TNR: variants seen among roughly 807,000 people sequenced by gnomAD.
TNR encodes tenascin-R.
Under a neutral mutation model 150.4 loss-of-function variants are expected in TNR, and 45 were observed. That is an observed-to-expected ratio of 0.30 (90% CI 0.24 to 0.38). TNR has a LOEUF of 0.38. Ranked by LOEUF, TNR falls within the 10% of genes least tolerant of loss-of-function variation. The probability of loss-of-function intolerance (pLI) is 1.00; values close to 1 mark genes in which losing one functional copy is unlikely to be tolerated. For synonymous variants in TNR, 687 were observed against 678.4 expected (o/e 1.01, Z -0.20); for missense variants, 1,544 against 1,759.1 (o/e 0.88, Z 2.19).
intron 1 of TNR, among the ~76,000 whole-genome samples, chr1:175,742,387 C>G (rs1667954401): frequency 6.6e-6 from 1 of 152,160 alleles, no homozygotes; most frequent in Non-Finnish European, 1.5e-5. Context: ...TTTTCACTGC[C>G]AAATGCCCCA....
At chr1:175,466,055 T>C (rs1268826562) in intron 2 of TNR, among the ~76,000 whole-genome samples, 1 of 152,206 alleles carries the variant, frequency 6.6e-6, no homozygotes, top group Non-Finnish European at 1.5e-5. Flanking sequence ...TTTCCTGTGG[T>C]GCACTAACAA....
At chr1:175,723,427 A>G (rs1667372346) in intron 1 of TNR, among the ~76,000 whole-genome samples, 1 of 152,222 alleles carries the variant, frequency 6.6e-6, no homozygotes, top group Non-Finnish European at 1.5e-5. Context: ...ACTACACTCC[A>G]GGGACTGGGC....
chr1:175,729,148 C>T (rs572325830), intron 1 of TNR, among the ~76,000 whole-genome samples: 16 of 152,156 alleles, frequency 1.1e-4, no homozygotes, highest in African/African-American at 2.2e-4. Flanking sequence ...TGTTCCTTGA[C>T]GAGTTTTTTC....
rs114289223 is a variant in TNR at position 175,582,165 on chromosome 1, T to A, written c.-164-53796A>T. Among the ~76,000 whole-genome samples, 515 of 152,324 alleles carry A rather than the reference T, an allele frequency of 3.4e-3. 4 individuals carry two copies. Among genetic ancestry groups the A allele is most frequent in the Admixed American group, 9.4e-3 (144 of 15,296 alleles). On this transcript the variant is annotated intron_variant, in intron 1 of 22. Transcript: ENST00000367674. ...TAGGTAATGCCTTTTTACCTACAACTCTTTCACCTTTGAAACTAGACCATC... is the reference window on the plus strand; with the variant it reads ...TAGGTAATGCCTTTTTACCTACAACACTTTCACCTTTGAAACTAGACCATC...
intron 1 of TNR, among the ~76,000 whole-genome samples, chr1:175,688,124 A>G (rs1435250249): frequency 1.3e-5 from 2 of 152,228 alleles, no homozygotes; most frequent in East Asian, 1.9e-4. Context: ...CACTTCTGAC[A>G]TTTCAATAAC....
chr1:175,572,666 A>C (rs1422350575), intron 1 of TNR, among the ~76,000 whole-genome samples: 1 of 152,096 alleles, frequency 6.6e-6, no homozygotes, highest in African/African-American at 2.4e-5. Context: ...TACATATACC[A>C]TAATATAATT....
chr1:175,389,914 A>G, intron 7 of TNR, among the ~76,000 whole-genome samples: 1 of 152,236 alleles, frequency 6.6e-6, no homozygotes, highest in East Asian at 1.9e-4. Context: ...TTAGAGCAGA[A>G]CCATGGTTTG....
chr1:175,461,431 A>G (rs974603668), intron 2 of TNR, among the ~76,000 whole-genome samples: 1 of 152,198 alleles, frequency 6.6e-6, no homozygotes, highest in Non-Finnish European at 1.5e-5. Context: ...AAAATTTTAA[A>G]TATTAGATTC....
At chr1:175,377,536 G>T (rs1024639592) in intron 9 of TNR, among the ~76,000 whole-genome samples, 1 of 149,898 alleles carries the variant, frequency 6.7e-6, no homozygotes, top group South Asian at 2.1e-4. Context: ...TATGCCAGCT[G>T]GTCTATCCTT....
At chr1:175,675,158 G>C (rs556462287) in intron 1 of TNR, among the ~76,000 whole-genome samples, 1 of 152,350 alleles carries the variant, frequency 6.6e-6, no homozygotes, top group East Asian at 1.9e-4. Context: ...GGCAGACAAG[G>C]ACCTCTCTTA....
intron 21 of TNR, among the ~76,000 whole-genome samples, chr1:175,325,652 A>T (rs948895273): frequency 2.0e-5 from 3 of 152,232 alleles, no homozygotes; most frequent in Non-Finnish European, 4.4e-5. Flanking sequence ...GATAAAGAAA[A>T]TGTGGCACAT....
intron 1 of TNR, among the ~76,000 whole-genome samples, chr1:175,675,768 A>T (rs1334707465): frequency 6.6e-6 from 1 of 152,056 alleles, no homozygotes; most frequent in East Asian, 1.9e-4. Flanking sequence ...TCTGGGTGGG[A>T]TGGGGCATAG....
At chr1:175,655,288 C>T (rs905590584) in intron 1 of TNR, among the ~76,000 whole-genome samples, 8 of 152,146 alleles carry the variant, frequency 5.3e-5, no homozygotes, top group South Asian at 2.1e-4. Context: ...CTGCTACTTC[C>T]GAAAGTTAAT....
intron 1 of TNR, among the ~76,000 whole-genome samples, chr1:175,554,834 C>A (rs542647742): frequency 7.9e-5 from 12 of 152,124 alleles, no homozygotes; most frequent in Admixed American, 6.5e-4. Flanking sequence ...AATCATAAAA[C>A]CATTGGGAGT....
chr1:175,362,958 T>A, intron 13 of TNR, 149 bp from the exon 14 acceptor site: 1 of 1,037,952 alleles, frequency 9.6e-7, no homozygotes, highest in Non-Finnish European at 1.4e-6. Context: ...CTGGGAATGT[T>A]GGAGTGTGAA....
intron 1 of TNR, among the ~76,000 whole-genome samples, chr1:175,549,058 G>A (rs1281582066): frequency 6.6e-6 from 1 of 152,234 alleles, no homozygotes; most frequent in Non-Finnish European, 1.5e-5. Flanking sequence ...CGTGCCAGGA[G>A]CAGCAGAGCC....
chr1:175,577,207 G>A (rs1442987644), intron 1 of TNR, among the ~76,000 whole-genome samples: 1 of 152,102 alleles, frequency 6.6e-6, no homozygotes, highest in African/African-American at 2.4e-5. Context: ...GAGACAATAG[G>A]GGCCCAGGGA....
intron 1 of TNR, among the ~76,000 whole-genome samples, chr1:175,571,323 T>G (rs12083970): frequency 0.023 from 3,534 of 152,316 alleles, 136 homozygotes; most frequent in African/African-American, 0.078. Flanking sequence ...AATATAATTC[T>G]ATAGTTGATG....
At chr1:175,481,642 G>A (rs1313396196) in intron 2 of TNR, among the ~76,000 whole-genome samples, 1 of 152,098 alleles carries the variant, frequency 6.6e-6, no homozygotes, top group Non-Finnish European at 1.5e-5. Flanking sequence ...TGGCTGACTT[G>A]GAAAAGAAGG....
Sources: gnomAD v4.1 joint callset for allele counts (sites outside exome capture counted in the v4.1 genomes callset) on GRCh38, gnomAD v4.1.1 for gene constraint, MANE v1.5 for transcripts, NCBI Gene and HGNC (gene_info 2026-07-23, HGNC 2026-07-21) for gene names.